The following RPL6 variants were observed in gnomAD, a reference collection of about 807,000 sequenced individuals.
The protein encoded by RPL6 is large ribosomal subunit protein eL6.
A neutral mutation model predicts 32.1 loss-of-function variants in RPL6; 1 was observed. The ratio of observed to expected loss-of-function variants is 0.03; its 90% CI spans 0.01 to 0.15. RPL6 has a LOEUF of 0.15. RPL6 is among the 10% of genes least tolerant of loss of function. The pLI, the probability that RPL6 is intolerant of heterozygous loss-of-function variation, is 1.00. For synonymous variants in RPL6, 126 were observed against 131.6 expected, an observed-to-expected ratio of 0.96 and a Z score of 0.29; for missense variants, 275 against 354.6, an observed-to-expected ratio of 0.78 and a Z score of 1.80.
chr12:112,405,642 CCA>C, intron 6 of RPL6: 1 of 610,246 alleles, frequency 1.6e-6, no homozygotes, highest in Middle Eastern at 4.2e-4. Flanking sequence ...CAGTTAATTC[CCA>C]CACAATTCCA....
chr12:112,411,380 G>A (rs957944005), upstream of RPL6: 3 of 152,072 alleles, frequency 2.0e-5, no homozygotes, highest in African/African-American at 4.8e-5. Context: ...TTTTCAGATC[G>A]AAACCACCTG....
chr12:112,418,799 C>G (rs1028386638), exon 1 of RPL6: 26 of 458,812 alleles, frequency 5.7e-5, no homozygotes, highest in African/African-American at 5.2e-4. Flanking sequence ...GCGGAGCCCC[C>G]GCGCTGCCAT....
In RPL6 at chr12:112,406,793, G is replaced by A. The variant is rs1369576486; in HGVS notation, c.434C>T (p.Thr145Ile). 1.1e-5 allele frequency: 18 copies of A among 1,614,272 alleles called. No individual in the cohort carries two copies. The highest frequency in any genetic ancestry group is 1.7e-5 in the Admixed American group (1 of 60,032). ...GAGGATGATCAGAATGGTCCCGGGG[G>A]TAATGCTGGCTCGCAGTTTTCTCAC... The part of the protein sequence containing the change: ...QHVRKLRASI[T>I]PGTILIILTG... Residue 145 changes from threonine (T) to isoleucine (I), a missense_variant, in exon 4 of 7, where the codon ACC (threonine) becomes ATC (isoleucine). Transcript: ENST00000202773.
chr12:112,411,461 T>A (rs536216626), upstream of RPL6: 1 of 152,362 alleles, frequency 6.6e-6, no homozygotes, highest in East Asian at 1.9e-4. Flanking sequence ...ACAAATACAA[T>A]GATCAGATGA....
At chr12:112,417,102 G>C (rs2037421370) in intron 1 of RPL6, among the ~76,000 whole-genome samples, 1 of 152,162 alleles carries the variant, frequency 6.6e-6, no homozygotes, top group Non-Finnish European at 1.5e-5. Flanking sequence ...CTGTCACCCA[G>C]GCTGGAGCGC....
rs1410355919 is a variant in RPL6, at chr12:112,405,898, C to T, written c.669G>A (p.Arg223=). ...TDAYFKKKKL[R]KPRHQEGEIF... Reference sequence around the variant, plus strand: ...TCTCACCTTCCTGGTGTCTGGGCTTCCGCAGCTTCTTCTTCTTGAAGTAAG... The same window carrying T: ...TCTCACCTTCCTGGTGTCTGGGCTTTCGCAGCTTCTTCTTCTTGAAGTAAG... The change falls in exon 6 of 7, where the codon CGG becomes CGA. Residue 223 remains arginine, a synonymous_variant. Coordinates refer to ENST00000202773, the MANE Select transcript of RPL6 (RefSeq NM_000970.6). The T allele has an allele frequency of 6.2e-7, 1 of 1,613,854 alleles. No individual in the cohort carries two copies. Among genetic ancestry groups the T allele is most frequent in the African/African-American group, 1.3e-5 (1 of 74,910 alleles).
At chr12:112,406,063 A>G (rs758121540) in intron 5 of RPL6, 26 bp from the exon 6 acceptor site, 1 of 1,576,904 alleles carries the variant, frequency 6.3e-7, no homozygotes, top group Admixed American at 1.8e-5. Flanking sequence ...TAATTTAGCA[A>G]GGAAAAGGGG....
At chr12:112,408,863 A>T in intron 1 of RPL6, 2 of 519,752 alleles carry the variant, frequency 3.8e-6, no homozygotes, top group Admixed American at 7.4e-5. Flanking sequence ...ATACACTATA[A>T]ACTTTTTTTT....
At chr12:112,406,262 C>T in intron 5 of RPL6, 32 bp downstream of exon 5, 1 of 1,594,454 alleles carries the variant, frequency 6.3e-7, no homozygotes, top group Non-Finnish European at 8.6e-7. Flanking sequence ...ATGGAAGTTT[C>T]ACAGAACATC....
chr12:112,412,917 C>T (rs2037357932), upstream of RPL6, among the ~76,000 whole-genome samples: 2 of 140,362 alleles, frequency 1.4e-5, no homozygotes, highest in Admixed American at 7.6e-5. Context: ...CAGTGAGACT[C>T]TGTCTCAAAT....
chr12:112,406,506 C>G, intron 4 of RPL6, 164 bp from the exon 5 acceptor site: 1 of 785,670 alleles, frequency 1.3e-6, no homozygotes, highest in South Asian at 1.8e-5. Flanking sequence ...AGGTAGTACT[C>G]CAGACATAAA....
chr12:112,406,159 C>A (rs770238697), intron 5 of RPL6, 122 bp from the exon 6 acceptor site: 4 of 1,199,954 alleles, frequency 3.3e-6, no homozygotes, highest in Non-Finnish European at 3.6e-6. Context: ...CACTTGCACA[C>A]AAGGCAATGA....
rs182739439 is a variant in RPL6 at position 112,409,513 on chromosome 12, T to C, written c.-1+74A>G. ...CCGACCCCTGTAGGTGTCGACTGGA[T>C]GCCCTCCAGGTTCGGATGGCGAAGG... On this transcript the variant is annotated intron_variant, in intron 1 of 6. Coordinates refer to ENST00000202773, the MANE Select transcript of RPL6 (RefSeq NM_000970.6). 3 of 398,640 alleles carry C rather than the reference T, an allele frequency of 7.5e-6. No homozygotes were observed. The Admixed American group carries it at 1.3e-4, about 18-fold the overall frequency. 24.7% of individuals were successfully genotyped at this position (398,640 alleles called of 1,614,324 possible).
At chr12:112,412,915 C>A (rs993959634), upstream of RPL6, among the ~76,000 whole-genome samples, 1 of 143,014 alleles carries the variant, frequency 7.0e-6, no homozygotes, top group Non-Finnish European at 1.5e-5. Flanking sequence ...CACAGTGAGA[C>A]TCTGTCTCAA....
intron 3 of RPL6, chr12:112,407,971 CAGCCTCCCAA>C: frequency 2.4e-6 from 1 of 409,790 alleles, no homozygotes; most frequent in Non-Finnish European, 4.4e-6. Context: ...CTGCTCGCCT[CAGCCTCCCAA>C]AGTGCTGGGA....
At chr12:112,407,572 T>C (rs1180355245) in intron 3 of RPL6, 2 of 153,028 alleles carry the variant, frequency 1.3e-5, no homozygotes, top group African/African-American at 4.8e-5. Flanking sequence ...TGTTAACTTA[T>C]TTGGGAATGT....
intron 1 of RPL6, 79 bp from the exon 2 acceptor site, chr12:112,408,735 G>C (rs1325675028): frequency 1.6e-6 from 2 of 1,265,818 alleles, no homozygotes; most frequent in Non-Finnish European, 2.2e-6. Flanking sequence ...ACCTGTACAT[G>C]AATGGGCTGG....
At chr12:112,413,519 C>G (rs892875576), upstream of RPL6, among the ~76,000 whole-genome samples, 3 of 152,102 alleles carry the variant, frequency 2.0e-5, no homozygotes, top group Admixed American at 2.0e-4. Context: ...GCCTGGGCGA[C>G]AGAGTGAAGA....
At chr12:112,413,054 C>G (rs2037359769), upstream of RPL6, among the ~76,000 whole-genome samples, 1 of 152,120 alleles carries the variant, frequency 6.6e-6, no homozygotes, top group South Asian at 2.1e-4. Flanking sequence ...GAAAGACATA[C>G]ACCAAACCAT....
Sources: gnomAD v4.1 joint callset for allele counts (sites outside exome capture counted in the v4.1 genomes callset) on GRCh38, gnomAD v4.1.1 for gene constraint, MANE v1.5 for transcripts, NCBI Gene and HGNC (gene_info 2026-07-23, HGNC 2026-07-21) for gene names.